The following HDAC9 variants were observed in gnomAD, a reference collection of about 807,000 sequenced individuals.
HDAC9 encodes histone deacetylase 9, also known as MEF-2 interacting transcription repressor (MITR) protein.
HDAC9 carries 41 observed loss-of-function variants against 139.4 expected under a neutral mutation model. That is an observed-to-expected ratio of 0.29 (90% confidence interval 0.23 to 0.38). HDAC9 has a LOEUF of 0.38. HDAC9 is among the 10% of genes least tolerant of loss of function. The pLI, the probability that HDAC9 is intolerant of heterozygous loss-of-function variation, is 1.00. For missense variants in HDAC9, 1,147 were observed against 1,297.0 expected (o/e 0.88, Z 1.78); for synonymous variants, 517 against 476.2 (o/e 1.09, Z -1.12).
intron 21 of HDAC9, among the ~76,000 whole-genome samples, chr7:18,852,737 G>A (rs1330454134): frequency 6.6e-6 from 1 of 152,028 alleles, no homozygotes; most frequent in African/African-American, 2.4e-5. Flanking sequence ...GCAAAGGTGG[G>A]GGATTTCTTA....
intron 6 of HDAC9, among the ~76,000 whole-genome samples, chr7:18,626,219 A>G (rs896253242): frequency 2.0e-5 from 3 of 152,096 alleles, no homozygotes; most frequent in African/African-American, 4.8e-5. Flanking sequence ...CCAGAGGGAG[A>G]TGAAGTCAGG....
intron 17 of HDAC9, among the ~76,000 whole-genome samples, chr7:18,802,417 A>T (rs185944905): frequency 9.1e-4 from 139 of 152,092 alleles, no homozygotes; most frequent in African/African-American, 3.0e-3. Flanking sequence ...GACCCGCTTT[A>T]TTGACAAGTG....
intron 12 of HDAC9, among the ~76,000 whole-genome samples, chr7:18,679,723 A>C (rs1325875064): frequency 6.6e-6 from 1 of 151,814 alleles, no homozygotes; most frequent in African/African-American, 2.4e-5. Flanking sequence ...CTTATGAAAA[A>C]TTTTAATTCC....
rs115807695 is a variant in HDAC9 at position 18,300,550 on chromosome 7, A to G, written c.-42+10035A>G. Among the ~76,000 whole-genome samples, 976 of 152,296 alleles carry G rather than the reference A, an allele frequency of 6.4e-3. 13 individuals are homozygous for G. The highest frequency in any genetic ancestry group is 0.023 in the African/African-American group (942 of 41,556). ...AAAAAAAGCAGTTTAACAATATGTT[A>G]ATTATATGTAGACATTATTTTTATC... On this transcript the variant is annotated intron_variant, in intron 1 of 3. Coordinates refer to the HDAC9 transcript ENST00000413509.
intron 17 of HDAC9, among the ~76,000 whole-genome samples, chr7:18,803,716 G>T (rs536999851): frequency 6.6e-5 from 10 of 151,484 alleles, no homozygotes; most frequent in Non-Finnish European, 1.2e-4. Flanking sequence ...CTTCTTTTTG[G>T]ATTTGTTATA....
intron 2 of HDAC9, among the ~76,000 whole-genome samples, chr7:18,548,472 A>C (rs754452728): frequency 6.6e-6 from 1 of 152,212 alleles, no homozygotes; most frequent in African/African-American, 2.4e-5. Flanking sequence ...AAAAATATCT[A>C]CAAAGCACAA....
At chr7:18,961,573 T>C (rs1783532163) in intron 24 of HDAC9, among the ~76,000 whole-genome samples, 1 of 152,206 alleles carries the variant, frequency 6.6e-6, no homozygotes, top group Admixed American at 6.5e-5. Context: ...TTTCACTGTA[T>C]TGAAGTTACG....
rs942105593 is a variant in HDAC9, at chr7:19,001,156, T to C, written c.*5094T>C. On this transcript the variant is annotated 3_prime_UTR_variant, in exon 26 of 26. Coordinates refer to ENST00000686413, the MANE Select transcript of HDAC9 (RefSeq NM_178425.4). ...CTACCTAATCATGTTGTACTAGTTATTGTGGAAAGAAAATTGTACATACAT... is the reference window on the plus strand; with the variant it reads ...CTACCTAATCATGTTGTACTAGTTACTGTGGAAAGAAAATTGTACATACAT... 1.3e-5 allele frequency: 2 copies of C among 152,194 alleles called. No homozygotes were observed. The highest frequency in any genetic ancestry group is 2.9e-5 in the Non-Finnish European group (2 of 68,010). The allele number at this position is 152,194 out of a possible 1,614,324, so 9.4% of individuals were successfully genotyped here. A position where few individuals can be genotyped will look rare whatever the true frequency, so the allele number is the denominator to read the frequency against.
intron 6 of HDAC9, among the ~76,000 whole-genome samples, chr7:18,616,464 C>T (rs900165796): frequency 6.6e-6 from 1 of 152,080 alleles, no homozygotes; most frequent in African/African-American, 2.4e-5. Context: ...GAAAAGGATT[C>T]AGGGGAGGCC....
chr7:18,948,483 A>G (rs1353889591), intron 23 of HDAC9, among the ~76,000 whole-genome samples: 1 of 152,134 alleles, frequency 6.6e-6, no homozygotes, highest in Non-Finnish European at 1.5e-5. Flanking sequence ...TTAAGAATAC[A>G]CTGGTTTTAT....
intron 24 of HDAC9, among the ~76,000 whole-genome samples, chr7:18,961,301 T>C (rs1419356844): frequency 1.3e-5 from 2 of 152,182 alleles, no homozygotes; most frequent in Admixed American, 1.3e-4. Flanking sequence ...TAGCAGGGCT[T>C]ATAGTCAAAT....
Position 18,879,964 on chromosome 7 carries a change from A to G in HDAC9, c.2803+5368A>G, listed in dbSNP as rs78550608. On this transcript the variant is annotated intron_variant, in intron 22 of 25. Coordinates refer to ENST00000686413, the MANE Select transcript of HDAC9 (RefSeq NM_178425.4). ...TATAAGGAACTTAAACAAATTTACAAGAGAAAAACAACCCCATTAAAACGT... is the reference window on the plus strand; with the variant it reads ...TATAAGGAACTTAAACAAATTTACAGGAGAAAAACAACCCCATTAAAACGT... 2.2e-3 allele frequency among the ~76,000 whole-genome samples: 337 copies of G among 152,276 alleles called. 2 individuals carry two copies. Among genetic ancestry groups the G allele is most frequent in the Middle Eastern group, 0.014 (4 of 294 alleles).
chr7:18,136,125 C>T (rs1042901719), intron 1 of HDAC9, among the ~76,000 whole-genome samples: 7 of 149,946 alleles, frequency 4.7e-5, no homozygotes, highest in African/African-American at 1.8e-4. Context: ...CTGTTCATGT[C>T]CTTCACCCAC....
intron 2 of HDAC9, among the ~76,000 whole-genome samples, chr7:18,183,485 G>C (rs914589965): frequency 2.6e-5 from 4 of 152,076 alleles, no homozygotes; most frequent in Non-Finnish European, 5.9e-5. Context: ...TTGTGACCCT[G>C]ATTCAGTTTC....
intron 1 of HDAC9, among the ~76,000 whole-genome samples, chr7:18,431,928 G>C (rs944511076): frequency 4.6e-5 from 7 of 152,168 alleles, no homozygotes; most frequent in African/African-American, 1.7e-4. Flanking sequence ...ACATGAGAAA[G>C]TCAGAATTCC....
intron 21 of HDAC9, among the ~76,000 whole-genome samples, chr7:18,863,279 A>G (rs1798245548): frequency 6.6e-6 from 1 of 152,162 alleles, no homozygotes; most frequent in African/African-American, 2.4e-5. Context: ...ATAACATTCA[A>G]CAACTATTTA....
Position 18,309,186 on chromosome 7 carries a change from A to C in HDAC9, c.-42+18671A>C, listed in dbSNP as rs61518513. On this transcript the variant is annotated intron_variant, in intron 1 of 3. Coordinates refer to the HDAC9 transcript ENST00000413509. Reference sequence around the variant, plus strand: ...AAATAAATCATTTCAAGGACAATGAAATGTTCAGCCCAAGGTACACTCGTC... The same window carrying C: ...AAATAAATCATTTCAAGGACAATGACATGTTCAGCCCAAGGTACACTCGTC... Among the ~76,000 whole-genome samples the C allele has an allele frequency of 3.0e-3, 454 of 152,222 alleles. 6 individuals carry two copies. The highest frequency in any genetic ancestry group is 0.01 in the African/African-American group (433 of 41,530).
At chr7:18,207,872 G>A (rs1346839680) in intron 2 of HDAC9, among the ~76,000 whole-genome samples, 5 of 151,796 alleles carry the variant, frequency 3.3e-5, no homozygotes, top group East Asian at 3.9e-4. Flanking sequence ...GAGCCACCAC[G>A]CCCGGCTAAT....
intron 2 of HDAC9, among the ~76,000 whole-genome samples, chr7:18,174,442 C>G (rs1788715279): frequency 1.3e-5 from 2 of 152,212 alleles, no homozygotes; most frequent in South Asian, 4.1e-4. Flanking sequence ...CTTCTGAAGC[C>G]TGCTTCTGTC....
Sources: allele counts gnomAD v4.1 joint callset (sites outside exome capture counted in the v4.1 genomes callset), GRCh38; gene constraint gnomAD v4.1.1; transcripts MANE v1.5; gene names NCBI Gene and HGNC (gene_info 2026-07-23, HGNC 2026-07-21).